FRRS1: variants seen among roughly 807,000 people sequenced by gnomAD.
FRRS1 encodes ferric chelate reductase 1, also known as ferric reductase 1.
A neutral mutation model predicts 70.7 loss-of-function variants in FRRS1; 51 were observed. That is an observed-to-expected ratio of 0.72 (90% CI 0.58 to 0.91). The LOEUF (loss-of-function observed/expected upper bound fraction) is 0.91. FRRS1 is among the 40% of genes least tolerant of loss of function. FRRS1 has a pLI of 0.00. For missense variants in FRRS1, 672 were observed against 726.0 expected (o/e 0.93, Z 0.86); for synonymous variants, 225 against 238.7 (o/e 0.94, Z 0.53).
At chr1:99,729,567 C>T in intron 8 of FRRS1, 83 bp downstream of exon 8, 1 of 836,514 alleles carries the variant, frequency 1.2e-6, no homozygotes, top group Non-Finnish European at 2.0e-6. Context: ...TGGAGGCAAT[C>T]TAGCAGCACA....
At chr1:99,733,141 G>A (rs1210742812) in intron 7 of FRRS1, among the ~76,000 whole-genome samples, 6 of 152,216 alleles carry the variant, frequency 3.9e-5, no homozygotes, top group Admixed American at 3.3e-4. Context: ...GAGCCACCAC[G>A]CCCAGCCAAG....
At chr1:99,713,963 C>T (rs1271342864) in intron 12 of FRRS1, among the ~76,000 whole-genome samples, 1 of 152,022 alleles carries the variant, frequency 6.6e-6, no homozygotes, top group African/African-American at 2.4e-5. Flanking sequence ...AGAATCATGG[C>T]AAAGACTATA....
Position 99,750,984 on chromosome 1 carries a change from A to G in FRRS1, c.-105-1983T>C, listed in dbSNP as rs1405960319. Among the ~76,000 whole-genome samples the G allele has an allele frequency of 4.6e-5, 7 of 152,326 alleles. No homozygotes were observed. The East Asian group carries it at 1.3e-3, about 29-fold the overall frequency. ...ATATTATTTCTGGAAGTGTCTATGA[A>G]TGTATTTCTAAAAGAGGTTAGCATC... On this transcript the variant is annotated intron_variant, in intron 1 of 16. Coordinates refer to ENST00000646001, the MANE Select transcript of FRRS1 (RefSeq NM_001361041.2).
intron 1 of FRRS1, among the ~76,000 whole-genome samples, chr1:99,760,318 C>T (rs963591177): frequency 3.3e-5 from 5 of 152,086 alleles, no homozygotes; most frequent in East Asian, 3.9e-4. Flanking sequence ...TTTGTTCAAA[C>T]GTAAAATATT....
rs567710820 is a variant in FRRS1 at position 99,761,797 on chromosome 1, A to T, written c.-106+4810T>A. ...AAGCTCACAGAGCTTATAAAAAAAA[A>T]AATAGTGCCTAAGATCACACAGGGA... On this transcript the variant is annotated intron_variant, in intron 1 of 16. Transcript: ENST00000646001. 1.6e-3 allele frequency among the ~76,000 whole-genome samples: 245 copies of T among 152,306 alleles called. 2 individuals carry two copies. The highest frequency in any genetic ancestry group is 5.7e-3 in the African/African-American group (239 of 41,578).
In FRRS1 at chr1:99,710,741, C is replaced by A. The variant is rs1043920627; in HGVS notation, c.1624+65G>T. The A allele has an allele frequency of 8.5e-6, 12 of 1,407,934 alleles. No homozygotes were observed. The East Asian group carries it at 1.7e-4, about 20-fold the overall frequency. The allele number at this position is 1,407,934 out of a possible 1,614,324, so 87.2% of individuals were successfully genotyped here. On this transcript the variant is annotated intron_variant, in intron 15 of 16. Coordinates refer to ENST00000646001, the MANE Select transcript of FRRS1 (RefSeq NM_001361041.2). Reference sequence around the variant, plus strand: ...GCAGTCAGCCATTACTATCGGGAAGCGCATTCTTTTCCAATGGTTTGTATA... The same window carrying A: ...GCAGTCAGCCATTACTATCGGGAAGAGCATTCTTTTCCAATGGTTTGTATA...
chr1:99,739,444 C>T (rs1655843940), intron 6 of FRRS1, among the ~76,000 whole-genome samples: 1 of 152,156 alleles, frequency 6.6e-6, no homozygotes, highest in Admixed American at 6.6e-5. Context: ...TAAGCCTAAA[C>T]TGAGAGCTAG....
Position 99,712,492 on chromosome 1 carries a change from G to T in FRRS1, c.1347C>A (p.Leu449=), listed in dbSNP as rs376886826. 1.2e-6 allele frequency: 2 copies of T among 1,610,392 alleles called. No homozygotes were observed. Among genetic ancestry groups the T allele is most frequent in the Non-Finnish European group, 1.7e-6 (2 of 1,178,530 alleles). The stretch of plus-strand genomic sequence containing the variant: ...CTGCCAAAGTCATCACTATACAGCC[G>T]AGGTATGGGTGGTAACCTGCATGCT... ...WSRHAGYHPY[L]GCIVMTLAVL... Residue 449 remains leucine (L), a synonymous_variant, in exon 13 of 17, where the codon CTC becomes CTA. Transcript: ENST00000646001.
intron 1 of FRRS1, among the ~76,000 whole-genome samples, chr1:99,754,264 G>A (rs1050501367): frequency 1.1e-4 from 16 of 152,096 alleles, no homozygotes; most frequent in African/African-American, 2.9e-4. Flanking sequence ...CCAGGAATTC[G>A]AGACCAGCCT....
chr1:99,757,907 A>G (rs1171119513), intron 1 of FRRS1, among the ~76,000 whole-genome samples: 1 of 151,912 alleles, frequency 6.6e-6, no homozygotes, highest in Non-Finnish European at 1.5e-5. Flanking sequence ...GTTTTAATCA[A>G]CTTAGAAATT....
At chr1:99,736,350 G>A (rs1655655822) in intron 7 of FRRS1, among the ~76,000 whole-genome samples, 1 of 152,024 alleles carries the variant, frequency 6.6e-6, no homozygotes, top group South Asian at 2.1e-4. Flanking sequence ...TTTCTTATAT[G>A]TTATTTTTTT....
At chr1:99,759,240 T>C (rs1657001707) in intron 1 of FRRS1, among the ~76,000 whole-genome samples, 2 of 152,176 alleles carry the variant, frequency 1.3e-5, no homozygotes, top group African/African-American at 4.8e-5. Flanking sequence ...AAAAACTTGC[T>C]GGTTTTGAGG....
At chr1:99,751,545 C>G (rs977563602) in intron 1 of FRRS1, among the ~76,000 whole-genome samples, 10 of 152,000 alleles carry the variant, frequency 6.6e-5, no homozygotes, top group African/African-American at 1.9e-4. Flanking sequence ...AAGATGAGAA[C>G]TATATCTGAC....
intron 1 of FRRS1, chr1:99,765,269 C>T (rs181294346): frequency 6.6e-6 from 1 of 152,344 alleles, no homozygotes; most frequent in Admixed American, 6.5e-5. Context: ...AACTTCAGTT[C>T]TATCCCAGTA....
intron 4 of FRRS1, among the ~76,000 whole-genome samples, chr1:99,742,748 C>T (rs573063035): frequency 1.3e-5 from 2 of 152,334 alleles, no homozygotes; most frequent in East Asian, 1.9e-4. Context: ...TGAGGCCTTA[C>T]TTGAAGTTCA....
At chr1:99,709,329 C>T (rs911547137) in intron 15 of FRRS1, 70 bp from the exon 16 acceptor site, 1 of 1,030,790 alleles carries the variant, frequency 9.7e-7, no homozygotes, top group East Asian at 2.5e-5. Flanking sequence ...TTAAAAAAAC[C>T]TGATTTGTAC....
chr1:99,763,157 A>AT (rs1041658366), intron 1 of FRRS1, among the ~76,000 whole-genome samples: 2 of 151,954 alleles, frequency 1.3e-5, no homozygotes, highest in Admixed American at 6.6e-5. Flanking sequence ...AATTTCAAGA[A>AT]TTTTTTTTCC....
At chr1:99,757,910 T>C (rs2100999810) in intron 1 of FRRS1, among the ~76,000 whole-genome samples, 1 of 151,342 alleles carries the variant, frequency 6.6e-6, no homozygotes, top group East Asian at 1.9e-4. Context: ...TTAATCAACT[T>C]AGAAATTTAT....
intron 11 of FRRS1, 150 bp from the exon 12 acceptor site, chr1:99,715,822 A>ACG: frequency 3.3e-5 from 18 of 553,134 alleles, no homozygotes; most frequent in Non-Finnish European, 4.6e-5. Context: ...TAGCCAGGTT[A>ACG]AGAAAAAAAA....
Sources: gnomAD v4.1 joint callset for allele counts (sites outside exome capture counted in the v4.1 genomes callset) on GRCh38, gnomAD v4.1.1 for gene constraint, MANE v1.5 for transcripts, NCBI Gene and HGNC (gene_info 2026-07-23, HGNC 2026-07-21) for gene names.